CPSF3: variants seen among roughly 807,000 people sequenced by gnomAD.
The protein encoded by CPSF3 is cleavage and polyadenylation specificity factor subunit 3.
In CPSF3, 57 loss-of-function variants were observed where a neutral mutation model predicts 84.1. The observed-to-expected ratio is 0.68, with a 90% confidence interval of 0.55 to 0.85. CPSF3 has a LOEUF of 0.85. Ranked by LOEUF, CPSF3 falls within the 40% of genes least tolerant of loss-of-function variation. CPSF3 has a pLI of 0.00. For missense variants in CPSF3, 522 were observed against 838.8 expected, an observed-to-expected ratio of 0.62 and a Z score of 4.66; for synonymous variants, 275 against 278.1, an observed-to-expected ratio of 0.99 and a Z score of 0.11.
intron 10 of CPSF3, among the ~76,000 whole-genome samples, chr2:9,446,708 G>C (rs1204031010): frequency 6.6e-6 from 1 of 151,852 alleles, no homozygotes; most frequent in African/African-American, 2.4e-5. Context: ...AGTGAGCCAA[G>C]ATCACGACAC....
intron 8 of CPSF3, 72 bp downstream of exon 8, chr2:9,440,738 C>A (rs575624256): frequency 1.4e-6 from 2 of 1,446,348 alleles, no homozygotes; most frequent in Non-Finnish European, 1.9e-6. Flanking sequence ...GGTACGAGGC[C>A]GTGAGTGATG....
chr2:9,460,007 T>C (rs1362147953), intron 15 of CPSF3, among the ~76,000 whole-genome samples: 1 of 152,090 alleles, frequency 6.6e-6, no homozygotes, highest in African/African-American at 2.4e-5. Context: ...AGGCAGTACA[T>C]AGACTCCTAA....
chr2:9,472,397 T>C (rs1033233313), intron 17 of CPSF3, among the ~76,000 whole-genome samples: 4 of 151,988 alleles, frequency 2.6e-5, no homozygotes, highest in African/African-American at 4.8e-5. Context: ...GTTGAGTAGA[T>C]AGCCACATCC....
intron 16 of CPSF3, among the ~76,000 whole-genome samples, chr2:9,470,718 CT>C (rs997482902): frequency 6.6e-6 from 1 of 152,214 alleles, no homozygotes; most frequent in African/African-American, 2.4e-5. Flanking sequence ...AGCTGTGAGG[CT>C]TTAAGCAAAT....
chr2:9,468,246 T>C (rs1682041967), intron 16 of CPSF3, among the ~76,000 whole-genome samples: 1 of 152,182 alleles, frequency 6.6e-6, no homozygotes, highest in Admixed American at 6.5e-5. Context: ...ATTTCTATTT[T>C]TGGGAGATAG....
intron 9 of CPSF3, 48 bp from the exon 10 acceptor site, chr2:9,443,467 G>A (rs769436422): frequency 7.8e-6 from 12 of 1,547,924 alleles, no homozygotes; most frequent in South Asian, 1.2e-5. Flanking sequence ...GTACCTTTAC[G>A]ATTATAACTG....
chr2:9,455,529 T>G, intron 12 of CPSF3, 130 bp from the exon 13 acceptor site: 1 of 643,672 alleles, frequency 1.6e-6, no homozygotes, highest in Non-Finnish European at 2.7e-6. Context: ...GGTACCAAAT[T>G]AAGGAGCATC....
rs545563509 is a variant in CPSF3 at position 9,423,693 on chromosome 2, A to T, written c.-81A>T. 2.6e-6 allele frequency: 4 copies of T among 1,542,732 alleles called. No individual in the cohort carries two copies. The highest frequency in any genetic ancestry group is 4.7e-5 in the East Asian group (2 of 42,356). On this transcript the variant is annotated 5_prime_UTR_variant, in exon 1 of 18. Transcript: ENST00000238112. ...TGGTGAATGGGGTTCTTCCTTTTTT[A>T]TTTACCGGTGGCTGTGCTTCCAATT... is the stretch of plus-strand genomic sequence containing the variant.
chr2:9,454,449 C>T (rs932423663), intron 12 of CPSF3, among the ~76,000 whole-genome samples: 15 of 151,942 alleles, frequency 9.9e-5, no homozygotes, highest in African/African-American at 3.1e-4. Flanking sequence ...GAGGTATTTA[C>T]CTGTGAGATT....
intron 17 of CPSF3, among the ~76,000 whole-genome samples, chr2:9,472,039 C>T (rs547945230): frequency 7.0e-6 from 1 of 142,376 alleles, no homozygotes; most frequent in Admixed American, 7.1e-5. Flanking sequence ...AGAGGCCAGG[C>T]GTGGTGGTTC....
At chr2:9,426,672 C>G (rs56256530) in intron 1 of CPSF3, among the ~76,000 whole-genome samples, 12,275 of 152,086 alleles carry the variant, frequency 0.081, 1,636 homozygotes, top group African/African-American at 0.28. Context: ...GCCAGCAAGA[C>G]AAGATGAGAG....
chr2:9,452,699 A>C (rs1681375536), intron 11 of CPSF3, among the ~76,000 whole-genome samples: 1 of 152,214 alleles, frequency 6.6e-6, no homozygotes, highest in African/African-American at 2.4e-5. Flanking sequence ...ACTGTGCCAG[A>C]TCTGCCACTG....
chr2:9,472,692 C>T (rs1327200454), intron 17 of CPSF3, among the ~76,000 whole-genome samples: 5 of 152,090 alleles, frequency 3.3e-5, no homozygotes, highest in African/African-American at 9.7e-5. Context: ...CTCGCAGTGC[C>T]GCCCAGGCTG....
At chr2:9,454,576 T>C (rs1364001191) in intron 12 of CPSF3, among the ~76,000 whole-genome samples, 3 of 132,344 alleles carry the variant, frequency 2.3e-5, no homozygotes, top group African/African-American at 5.8e-5. Context: ...GGAGTCTCAC[T>C]CTGTCTCCCA....
intron 15 of CPSF3, among the ~76,000 whole-genome samples, chr2:9,461,250 T>C (rs1031883930): frequency 6.6e-6 from 1 of 152,206 alleles, no homozygotes; most frequent in African/African-American, 2.4e-5. Flanking sequence ...TGCATATATA[T>C]AAGCCACAAC....
chr2:9,436,777 T>TAAAA, intron 7 of CPSF3, among the ~76,000 whole-genome samples: 1 of 113,176 alleles, frequency 8.8e-6, no homozygotes, highest in South Asian at 2.4e-4. Flanking sequence ...TCTCAAAAAA[T>TAAAA]AATAATAATA....
intron 17 of CPSF3, among the ~76,000 whole-genome samples, chr2:9,472,382 C>A (rs1682201537): frequency 6.6e-6 from 1 of 151,574 alleles, no homozygotes; most frequent in Non-Finnish European, 1.5e-5. Flanking sequence ...AATTCAGTAC[C>A]AAATGTTGAG....
rs750132422 is a variant in CPSF3, at chr2:9,471,437, C to T, written c.1951C>T (p.Arg651Trp). Residue 651 changes from arginine to tryptophan, a missense_variant and splice_region_variant, in exon 17 of 18, where the codon CGG (arginine) becomes TGG (tryptophan). Arg to Trp is a moderately radical substitution (Grantham distance 101). Transcript: ENST00000238112. ...AACTGCCAACCTTAACTTGGAGACA[C>T]GGGTATGTAGCTGCTCTTTCCTACG... ...GKTANLNLET[R>W]TVECEEGSED... is the part of the protein sequence containing the mutation. The T allele has an allele frequency of 7.0e-6, 11 of 1,574,966 alleles. No individual in the cohort carries two copies. The highest frequency in any genetic ancestry group is 1.7e-5 in the Admixed American group (1 of 59,928).
chr2:9,450,221 G>A (rs979734879), intron 11 of CPSF3, among the ~76,000 whole-genome samples: 1 of 149,586 alleles, frequency 6.7e-6, no homozygotes, highest in East Asian at 2.0e-4. Context: ...GTGCCATCTC[G>A]GCTCACTGCA....
Sources: allele counts gnomAD v4.1 joint callset (sites outside exome capture counted in the v4.1 genomes callset), GRCh38; gene constraint gnomAD v4.1.1; transcripts MANE v1.5; gene names NCBI Gene and HGNC (gene_info 2026-07-23, HGNC 2026-07-21).